BICRA: variants seen among roughly 807,000 people sequenced by gnomAD.
BICRA encodes the protein BRD4 interacting chromatin remodeling complex associated protein.
A neutral mutation model predicts 96.9 loss-of-function variants in BICRA; 31 were observed. That is an observed-to-expected ratio of 0.32 (90% CI 0.24 to 0.43). The LOEUF (loss-of-function observed/expected upper bound fraction) is 0.43, where lower values mean the gene tolerates loss of function less well. BICRA is among the 20% of genes least tolerant of loss of function. BICRA has a pLI of 1.00. For missense variants in BICRA, 2,283 were observed against 2,190.3 expected (o/e 1.04, Z -0.84); for synonymous variants, 1,350 against 1,071.8 (o/e 1.26, Z -5.07).
chr19:47,614,640 CAAACAAA>C, intron 1 of BICRA, among the ~76,000 whole-genome samples: 1 of 152,310 alleles, frequency 6.6e-6, no homozygotes, highest in South Asian at 2.1e-4. Context: ...AACAAACAGA[CAAACAAA>C]AAACTATTCA....
intron 5 of BICRA, among the ~76,000 whole-genome samples, chr19:47,677,887 G>C (rs1330453664): frequency 6.6e-6 from 1 of 152,134 alleles, no homozygotes; most frequent in African/African-American, 2.4e-5. Flanking sequence ...CCATATGTGT[G>C]GTGTGTGTCA....
Position 47,702,774 on chromosome 19 carries a change from G to T in BICRA, c.*359G>T. Reference sequence around the variant, plus strand: ...CACCGGGTTGATGCCAACGCTCCGGGTGCCTGTCTTGTCTGTGTGGCTTCT... The same window carrying T: ...CACCGGGTTGATGCCAACGCTCCGGTTGCCTGTCTTGTCTGTGTGGCTTCT... On this transcript the variant is annotated 3_prime_UTR_variant, in exon 15 of 15. Coordinates refer to ENST00000594866, the MANE Select transcript of BICRA (RefSeq NM_001394372.1). The T allele has an allele frequency of 3.4e-6, 1 of 293,830 alleles. No individual in the cohort carries two copies. Among genetic ancestry groups the T allele is most frequent in the Non-Finnish European group, 6.3e-6 (1 of 158,720 alleles). 18.2% of individuals were successfully genotyped at this position (293,830 alleles called of 1,614,324 possible). A position where few individuals can be genotyped will look rare whatever the true frequency, so the allele number is the denominator to read the frequency against.
rs955100830 is a variant in BICRA at position 47,701,830 on chromosome 19, G to C, written c.4098G>C (p.Pro1366=). 2.6e-6 allele frequency: 4 copies of C among 1,523,082 alleles called. No individual in the cohort carries two copies. The Admixed American group carries it at 8.1e-5, about 31-fold the overall frequency. The allele number at this position is 1,523,082 out of a possible 1,614,324, so 94.3% of individuals were successfully genotyped here. A position where few individuals can be genotyped will look rare whatever the true frequency, so the allele number is the denominator to read the frequency against. Residue 1366 remains proline, a synonymous_variant, in exon 15 of 15, where the codon CCG becomes CCC. Transcript: ENST00000594866. This position sits in a 1 kb window ranked among gnomAD's most constrained non-coding sequence, Gnocchi z 5.4. ...TGQMNGTVDH[P]PPAAPERKPL... ...AGATGAACGGCACGGTGGACCACCC[G>C]CCGCCTGCCGCCCCCGAGCGCAAGC...
Position 47,694,629 on chromosome 19 carries a change from C to A in BICRA, c.2798C>A (p.Ala933Glu). ...ACCCTCCACCTGGTCCCTGAGCCGGCAGCACCCCCCCCACCGCCTCCTCGG... is the reference window on the plus strand; with the variant it reads ...ACCCTCCACCTGGTCCCTGAGCCGGAAGCACCCCCCCCACCGCCTCCTCGG... ...PPTLHLVPEP[A>E]APPPPPPRTF... is the part of the protein sequence containing the mutation. Residue 933 changes from alanine to glutamate, a missense_variant, in exon 8 of 15, where the codon GCA becomes GAA. Physicochemically the swap from Ala to Glu is moderately radical, Grantham distance 107. Transcript: ENST00000594866. The A allele has an allele frequency of 1.9e-6, 3 of 1,568,072 alleles. No homozygotes were observed. Among genetic ancestry groups the A allele is most frequent in the Non-Finnish European group, 2.6e-6 (3 of 1,140,900 alleles).
chr19:47,646,225 ACTGAGGG>A (rs1972457153), intron 1 of BICRA, among the ~76,000 whole-genome samples: 1 of 152,182 alleles, frequency 6.6e-6, no homozygotes, highest in African/African-American at 2.4e-5. Context: ...TGCTCTGCCC[ACTGAGGG>A]CTTGTGTCCC....
chr19:47,676,356 G>T (rs12977794), intron 5 of BICRA, among the ~76,000 whole-genome samples: 4 of 152,220 alleles, frequency 2.6e-5, no homozygotes, highest in African/African-American at 9.6e-5. Flanking sequence ...GCAGACTTCA[G>T]TCTTCACCTG....
chr19:47,651,310 C>T (rs1191753017), intron 1 of BICRA, among the ~76,000 whole-genome samples: 1 of 152,096 alleles, frequency 6.6e-6, no homozygotes, highest in Non-Finnish European at 1.5e-5. Context: ...ATGCTCACGC[C>T]CTCATCACTG....
In BICRA at chr19:47,695,387, C is replaced by G. The variant is rs765164910; in HGVS notation, c.3099C>G (p.Ala1033=). 3.9e-6 allele frequency: 6 copies of G among 1,556,860 alleles called. No homozygotes were observed. The highest frequency in any genetic ancestry group is 1.8e-5 in the Admixed American group (1 of 55,996). Reference sequence around the variant, plus strand: ...CAGGCCTCCCTCCTCTGCTTCCAGCCGAGAACAAGGCTTTTGCCAGCAACC... The same window carrying G: ...CAGGCCTCCCTCCTCTGCTTCCAGCGGAGAACAAGGCTTTTGCCAGCAACC... ...AATGLPPLLP[A]ENKAFASNLP... is the part of the protein sequence containing the mutation. Residue 1033 remains alanine (A), a synonymous_variant, in exon 10 of 15, where the codon GCC becomes GCG. Coordinates refer to ENST00000594866, the MANE Select transcript of BICRA (RefSeq NM_001394372.1).
At chr19:47,695,877 G>A (rs1248502496) in intron 10 of BICRA, among the ~76,000 whole-genome samples, 2 of 152,044 alleles carry the variant, frequency 1.3e-5, no homozygotes, top group Non-Finnish European at 2.9e-5. Flanking sequence ...AGAATGAAAG[G>A]GTGAGAGGGT....
In BICRA at chr19:47,680,866, C is replaced by G; in HGVS notation, c.1696C>G (p.Leu566Val). 8 of 1,542,172 alleles carry G rather than the reference C, an allele frequency of 5.2e-6. No homozygotes were observed. Among genetic ancestry groups the G allele is most frequent in the South Asian group, 4.9e-5 (4 of 81,344 alleles). ...QMPVSLAAGS[L>V]PTQSQPAPAG... ...GCCCGTGTCGCTGGCGGCGGGCAGC[C>G]TGCCCACGCAGAGCCAGCCAGCGCC... Residue 566 changes from leucine (L) to valine (V), a missense_variant, in exon 6 of 15, where the codon CTG becomes GTG. By Grantham distance (32) the Leu-to-Val change is conservative. Transcript: ENST00000594866.
Position 47,701,543 on chromosome 19 carries a change from T to TCTTCCTCCTCCTCCTCTGCCG in BICRA, c.3813_3833dup (p.Ser1274_Ser1280dup). On this transcript the variant is annotated inframe_insertion, in exon 15 of 15. Transcript: ENST00000594866. The surrounding 1 kb of genome is among the most constrained non-coding windows in gnomAD (Gnocchi z 5.4). ...CCGGGCGTCCTCCTCCCTGTCCTCC[T>TCTTCCTCCTCCTCCTCTGCCG]CTTCCTCCTCCTCCTCTGCCGCCTC... 6.5e-7 allele frequency: 1 copy of TCTTCCTCCTCCTCCTCTGCCG among 1,549,554 alleles called. No individual in the cohort carries two copies. Among genetic ancestry groups the TCTTCCTCCTCCTCCTCTGCCG allele is most frequent in the Non-Finnish European group, 8.7e-7 (1 of 1,147,336 alleles).
At position 47,701,477 on chromosome 19, in the gene BICRA, C is replaced by T; in HGVS notation, c.3745C>T (p.Arg1249Trp). The change falls in exon 15 of 15, where the codon CGG becomes TGG. Residue 1249 changes from arginine to tryptophan, a missense_variant. Transcript: ENST00000594866. The surrounding 1 kb of genome is among the most constrained non-coding windows in gnomAD (Gnocchi z 5.4). The part of the protein sequence containing the change: ...PPHLPTKLVI[R>W]HGGAGGSPSV... ...ACACCTGCCCACCAAGCTTGTGATC[C>T]GGCACGGCGGGGCAGGCGGCTCCCC... The T allele has an allele frequency of 1.9e-6, 3 of 1,555,916 alleles. No individual in the cohort carries two copies. Among genetic ancestry groups the T allele is most frequent in the Non-Finnish European group, 2.6e-6 (3 of 1,150,576 alleles).
At chr19:47,678,410 C>G (rs370566001) in intron 5 of BICRA, among the ~76,000 whole-genome samples, 11 of 152,288 alleles carry the variant, frequency 7.2e-5, no homozygotes, top group African/African-American at 2.4e-4. Context: ...GCCACCGTGC[C>G]TAGACTTTAT....
chr19:47,635,249 AT>A lies in BICRA; in HGVS notation c.-108+26097del, dbSNP rs373765609. ...ATCATCACTACTGTCCATTTCTAGG[AT>A]TTTTTTTTTTTTTTTGAGACCGGGT... On this transcript the variant is annotated intron_variant, in intron 1 of 14. Coordinates refer to ENST00000594866, the MANE Select transcript of BICRA (RefSeq NM_001394372.1). 2.0e-3 allele frequency among the ~76,000 whole-genome samples: 277 copies of A among 137,170 alleles called. 1 individual carries two copies. Among genetic ancestry groups the A allele is most frequent in the East Asian group, 4.4e-3 (20 of 4,584 alleles). 90.0% of individuals were successfully genotyped at this position (137,170 alleles called of 152,430 possible).
chr19:47,621,626 A>G (rs1395259797), intron 1 of BICRA, among the ~76,000 whole-genome samples: 1 of 150,268 alleles, frequency 6.7e-6, no homozygotes, highest in Non-Finnish European at 1.5e-5. Context: ...GGCACATGCC[A>G]CCACACCCGG....
rs777338361 is a variant in BICRA at position 47,679,911 on chromosome 19, G to A, written c.741G>A (p.Thr247=). The change falls in exon 6 of 15, where the codon ACG becomes ACA. Residue 247 remains threonine, a synonymous_variant. Transcript: ENST00000594866. ...GCCAGCCCGTCATGGCGCTCAACAC[G>A]CCCACCTCCCAGCTCCTGGCCAAGC... ...VVGQPVMALN[T]PTSQLLAKQV... is the part of the protein sequence containing the mutation. 21 of 1,521,060 alleles carry A rather than the reference G, an allele frequency of 1.4e-5. No individual in the cohort carries two copies. The highest frequency in any genetic ancestry group is 2.5e-5 in the East Asian group (1 of 39,292). The allele number at this position is 1,521,060 out of a possible 1,614,324, so 94.2% of individuals were successfully genotyped here.
At chr19:47,688,792 CA>C (rs199563020) in intron 7 of BICRA, among the ~76,000 whole-genome samples, 72,842 of 149,174 alleles carry the variant, frequency 0.49, 17,832 homozygotes, top group East Asian at 0.66. Flanking sequence ...GACTCCGTCT[CA>C]AAAAAAAAAA....
chr19:47,635,297 G>C (rs1972284024), intron 1 of BICRA, among the ~76,000 whole-genome samples: 1 of 151,310 alleles, frequency 6.6e-6, no homozygotes, highest in Non-Finnish European at 1.5e-5. Context: ...GCCCAGGCTG[G>C]AGTGCAGTGG....
intron 1 of BICRA, among the ~76,000 whole-genome samples, chr19:47,617,028 A>G (rs908305512): frequency 3.3e-5 from 5 of 152,096 alleles, no homozygotes; most frequent in African/African-American, 1.2e-4. Context: ...GTGTTTGGCC[A>G]TGTTGGCCAG....
Sources: gnomAD v4.1 joint callset for allele counts (sites outside exome capture counted in the v4.1 genomes callset) on GRCh38, gnomAD v4.1.1 for gene constraint, Gnocchi (gnomAD v3.1) non-coding constraint, MANE v1.5 for transcripts, NCBI Gene and HGNC (gene_info 2026-07-23, HGNC 2026-07-21) for gene names.